The following IGSF11 variants were observed in gnomAD, a reference collection of about 807,000 sequenced individuals.
The protein encoded by IGSF11 is immunoglobulin superfamily member 11.
A neutral mutation model predicts 41.0 loss-of-function variants in IGSF11; 22 were observed. The observed-to-expected ratio is 0.54, with a 90% CI of 0.38 to 0.77. The LOEUF (loss-of-function observed/expected upper bound fraction) is 0.77. Ranked by LOEUF, IGSF11 falls within the 30% of genes least tolerant of loss-of-function variation. The pLI is 0.00. For synonymous variants in IGSF11, 219 were observed against 201.3 expected, an observed-to-expected ratio of 1.09 and a Z score of -0.74; for missense variants, 444 against 530.8, an observed-to-expected ratio of 0.84 and a Z score of 1.61.
chr3:118,970,762 A>G (rs1050449397), intron 1 of IGSF11, among the ~76,000 whole-genome samples: 1 of 152,116 alleles, frequency 6.6e-6, no homozygotes, highest in Non-Finnish European at 1.5e-5. Flanking sequence ...AAAAAAAAAA[A>G]AAAACCACAA....
At chr3:119,032,852 C>T (rs1940544149) in intron 1 of IGSF11, among the ~76,000 whole-genome samples, 1 of 152,318 alleles carries the variant, frequency 6.6e-6, no homozygotes, top group African/African-American at 2.4e-5. Context: ...CACTCACACG[C>T]GTCTTTGTAT....
chr3:119,060,748 C>T (rs1942027759), intron 1 of IGSF11, among the ~76,000 whole-genome samples: 1 of 152,182 alleles, frequency 6.6e-6, no homozygotes, highest in South Asian at 2.1e-4. Flanking sequence ...GCAGATACCT[C>T]CATTTGAATT....
chr3:118,903,970 G>A (rs1236238420), intron 6 of IGSF11, among the ~76,000 whole-genome samples: 1 of 152,198 alleles, frequency 6.6e-6, no homozygotes, highest in Non-Finnish European at 1.5e-5. Flanking sequence ...GAAAATGCAG[G>A]ACAGACTGGA....
intron 1 of IGSF11, among the ~76,000 whole-genome samples, chr3:118,959,141 G>C (rs1001229470): frequency 1.3e-5 from 2 of 152,162 alleles, no homozygotes; most frequent in African/African-American, 4.8e-5. Flanking sequence ...ATTTGGTAAG[G>C]AGTACAAATA....
chr3:119,034,423 C>A, intron 1 of IGSF11, 108 bp downstream of exon 1: 1 of 1,145,436 alleles, frequency 8.7e-7, no homozygotes, highest in Non-Finnish European at 1.2e-6. Flanking sequence ...AGTTGGACTC[C>A]CGACCCTCGG....
At chr3:119,110,645 C>G (rs1018023692) in intron 1 of IGSF11, among the ~76,000 whole-genome samples, 20 of 152,144 alleles carry the variant, frequency 1.3e-4, no homozygotes, top group Middle Eastern at 3.4e-3. Context: ...GATGTTAGCT[C>G]GTTATTTTGC....
At position 118,984,868 on chromosome 3, in the gene IGSF11, A is replaced by C. The variant is rs115738055; in HGVS notation, c.52+49663T>G. Among the ~76,000 whole-genome samples, 1,283 of 152,276 alleles carry C rather than the reference A, an allele frequency of 8.4e-3. 24 individuals carry two copies. Among genetic ancestry groups the C allele is most frequent in the African/African-American group, 0.03 (1,228 of 41,550 alleles). Reference sequence around the variant, plus strand: ...AATGCAGTGCTGCAAAAACTGACTGAAAGCTGCCACTCAGTGACACCTTGA... The same window carrying C: ...AATGCAGTGCTGCAAAAACTGACTGCAAGCTGCCACTCAGTGACACCTTGA... On this transcript the variant is annotated intron_variant, in intron 1 of 6. Transcript: ENST00000393775.
At chr3:118,915,246 GC>G (rs1447001261) in intron 4 of IGSF11, among the ~76,000 whole-genome samples, 1 of 141,682 alleles carries the variant, frequency 7.1e-6, no homozygotes, top group Non-Finnish European at 1.5e-5. Context: ...ATGGAACAAA[GC>G]TGGATGGAGA....
chr3:119,027,785 T>C (rs547318817), intron 1 of IGSF11, among the ~76,000 whole-genome samples: 27 of 152,330 alleles, frequency 1.8e-4, no homozygotes, highest in African/African-American at 6.0e-4. Context: ...AACCAATTTT[T>C]CACATGCCCT....
intron 1 of IGSF11, among the ~76,000 whole-genome samples, chr3:119,099,825 A>C (rs1344213697): frequency 6.6e-6 from 1 of 152,238 alleles, no homozygotes; most frequent in Non-Finnish European, 1.5e-5. Flanking sequence ...GCTGTATATT[A>C]GTCCCTTCTT....
chr3:118,997,722 C>T (rs1371285958), intron 1 of IGSF11, among the ~76,000 whole-genome samples: 3 of 152,104 alleles, frequency 2.0e-5, no homozygotes, highest in Admixed American at 1.3e-4. Context: ...GTTTAGAGAA[C>T]ATATGCAAAA....
At chr3:118,958,232 C>T (rs1381869604) in intron 1 of IGSF11, among the ~76,000 whole-genome samples, 1 of 152,116 alleles carries the variant, frequency 6.6e-6, no homozygotes, top group African/African-American at 2.4e-5. Context: ...CACAATTAGC[C>T]TTGCCAATGA....
chr3:119,120,844 G>GT, intron 1 of IGSF11, among the ~76,000 whole-genome samples: 1 of 152,270 alleles, frequency 6.6e-6, no homozygotes, highest in East Asian at 1.9e-4. Flanking sequence ...CCTAGTTTAC[G>GT]TAACTATGAC....
At chr3:119,065,657 G>C (rs913015217) in intron 1 of IGSF11, among the ~76,000 whole-genome samples, 4 of 151,972 alleles carry the variant, frequency 2.6e-5, no homozygotes, top group African/African-American at 9.7e-5. Flanking sequence ...GATGGGCATG[G>C]TGGTGTGCAA....
Position 118,980,840 on chromosome 3 carries a change from T to G in IGSF11, c.53-50565A>C, listed in dbSNP as rs184875236. On this transcript the variant is annotated intron_variant, in intron 1 of 6. Coordinates refer to ENST00000393775, the MANE Select transcript of IGSF11 (RefSeq NM_001015887.3). ...TCCAAAAAATTTTTAAATATTTGAT[T>G]TGTATTTTTTCTCACACTTTATTCT... 1.2e-4 allele frequency among the ~76,000 whole-genome samples: 18 copies of G among 152,370 alleles called. No individual in the cohort carries two copies. In the East Asian group the frequency reaches 2.3e-3, roughly 20 times the overall value.
intron 1 of IGSF11, among the ~76,000 whole-genome samples, chr3:119,063,998 T>A (rs943646196): frequency 2.0e-5 from 3 of 152,184 alleles, no homozygotes; most frequent in African/African-American, 7.2e-5. Flanking sequence ...GAGTTGCACA[T>A]GTTCCATTAT....
At chr3:118,938,361 G>A (rs1026872450) in intron 1 of IGSF11, among the ~76,000 whole-genome samples, 1 of 152,136 alleles carries the variant, frequency 6.6e-6, no homozygotes, top group Non-Finnish European at 1.5e-5. Flanking sequence ...AGACAAAGCA[G>A]GAGCTTTCCA....
At chr3:119,145,017 C>T (rs1170264970) in intron 1 of IGSF11, among the ~76,000 whole-genome samples, 2 of 152,138 alleles carry the variant, frequency 1.3e-5, no homozygotes, top group Non-Finnish European at 2.9e-5. Flanking sequence ...GTAGATAATT[C>T]ATAAAGTGAC....
chr3:118,936,093 T>C (rs1429109288), intron 1 of IGSF11, among the ~76,000 whole-genome samples: 1 of 152,168 alleles, frequency 6.6e-6, no homozygotes, highest in Non-Finnish European at 1.5e-5. Context: ...TTTGCATTTT[T>C]GATGCTAAAA....
Sources: allele counts gnomAD v4.1 joint callset (sites outside exome capture counted in the v4.1 genomes callset), GRCh38; gene constraint gnomAD v4.1.1; transcripts MANE v1.5; gene names NCBI Gene and HGNC (gene_info 2026-07-23, HGNC 2026-07-21).